The following CDH12 variants were observed in gnomAD, a reference collection of about 807,000 sequenced individuals.
The protein encoded by CDH12 is cadherin 12, also known as cadherin-12.
A neutral mutation model predicts 74.1 loss-of-function variants in CDH12; 41 were observed. The observed-to-expected ratio is 0.55, with a 90% CI of 0.43 to 0.72. The LOEUF is 0.72. Ranked by LOEUF, CDH12 falls within the 30% of genes least tolerant of loss-of-function variation. The probability of loss-of-function intolerance (pLI) is 0.00; values close to 1 mark genes in which losing one functional copy is unlikely to be tolerated. For synonymous variants in CDH12, 399 were observed against 355.0 expected (o/e 1.12, Z -1.39); for missense variants, 945 against 977.2 (o/e 0.97, Z 0.44).
chr5:22,415,211 GGAAAATTGACACAATGTTTTTTTTT>G (rs1037088308), intron 2 of CDH12, among the ~76,000 whole-genome samples: 1 of 147,026 alleles, frequency 6.8e-6, no homozygotes, highest in African/African-American at 2.6e-5. Flanking sequence ...ATAATAAAGG[GGAAAATTGACACAATGTTTTTTTTT>G]GAAAATTGAC....
intron 3 of CDH12, among the ~76,000 whole-genome samples, chr5:22,374,436 T>C (rs1741434364): frequency 6.6e-6 from 1 of 152,086 alleles, no homozygotes. Flanking sequence ...TCCTATTCAA[T>C]ATGTACTGGA....
At chr5:22,662,029 G>T (rs1312473193) in intron 1 of CDH12, among the ~76,000 whole-genome samples, 1 of 151,974 alleles carries the variant, frequency 6.6e-6, no homozygotes, top group Non-Finnish European at 1.5e-5. Context: ...TATAGGTTTT[G>T]AAAAAACTTG....
At chr5:22,079,817 A>G (rs1005333353) in intron 4 of CDH12, among the ~76,000 whole-genome samples, 3 of 152,174 alleles carry the variant, frequency 2.0e-5, no homozygotes, top group Non-Finnish European at 4.4e-5. Context: ...AGATAAAAAA[A>G]CAGACACAAT....
chr5:22,203,835 C>T lies in CDH12; in HGVS notation c.-187+8663G>A, dbSNP rs116738508. On this transcript the variant is annotated intron_variant, in intron 4 of 14. Transcript: ENST00000382254. ...CACTGTGTTTGTAATTTACATTACC[C>T]TGAAGATTAGTGATGTTGAGCATTT... Among the ~76,000 whole-genome samples, 663 of 152,218 alleles carry T rather than the reference C, an allele frequency of 4.4e-3. 2 individuals are homozygous for T. The highest frequency in any genetic ancestry group is 6.6e-3 in the Non-Finnish European group (450 of 68,018).
At chr5:22,608,175 A>G (rs1737213448) in intron 1 of CDH12, among the ~76,000 whole-genome samples, 1 of 149,568 alleles carries the variant, frequency 6.7e-6, no homozygotes. Flanking sequence ...CCATAAAAGC[A>G]GCCAGGAGGT....
chr5:22,675,222 T>A (rs1246771169), intron 1 of CDH12, among the ~76,000 whole-genome samples: 2 of 152,120 alleles, frequency 1.3e-5, no homozygotes, highest in Non-Finnish European at 2.9e-5. Context: ...GTCTAGGGAC[T>A]TGGTGTCTTG....
At chr5:22,073,516 G>A (rs1742097361) in intron 5 of CDH12, among the ~76,000 whole-genome samples, 1 of 152,066 alleles carries the variant, frequency 6.6e-6, no homozygotes, top group Non-Finnish European at 1.5e-5. Flanking sequence ...TTTTGCTTGT[G>A]GTTAGTTTGA....
intron 4 of CDH12, among the ~76,000 whole-genome samples, chr5:22,087,619 T>A (rs1050585592): frequency 3.3e-5 from 5 of 151,910 alleles, no homozygotes; most frequent in African/African-American, 9.7e-5. Context: ...CCAGCCTGGG[T>A]GACAGAGTGA....
intron 2 of CDH12, among the ~76,000 whole-genome samples, chr5:22,415,983 A>G (rs1169423019): frequency 6.6e-6 from 1 of 151,316 alleles, no homozygotes; most frequent in Non-Finnish European, 1.5e-5. Context: ...CCCAGATTAT[A>G]TAGTTGTGGA....
Position 22,214,005 on chromosome 5 carries a change from T to TTA in CDH12, c.-332-1364_-332-1363dup. Among the ~76,000 whole-genome samples the TTA allele has an allele frequency of 1.3e-5, 2 of 151,882 alleles. 1 individual carries two copies. The highest frequency in any genetic ancestry group is 4.2e-4 in the South Asian group (2 of 4,798). On this transcript the variant is annotated intron_variant, in intron 3 of 14. Transcript: ENST00000382254. Reference sequence around the variant, plus strand: ...AGAAGCTATATTTACATTGTGATATTTATATATATCTTAGAAAACCCTCAA... The same window carrying TTA: ...AGAAGCTATATTTACATTGTGATATTTATATATATATCTTAGAAAACCCTCAA...
chr5:22,688,329 T>G (rs770314198), intron 1 of CDH12, among the ~76,000 whole-genome samples: 10 of 152,244 alleles, frequency 6.6e-5, no homozygotes, highest in Non-Finnish European at 1.5e-4. Context: ...TTAACATGTT[T>G]AAAGCATTTT....
At chr5:22,424,002 C>CAAAAAAAAAAAAAAAAAAAAAA (rs1165781089) in intron 2 of CDH12, among the ~76,000 whole-genome samples, 2 of 31,226 alleles carry the variant, frequency 6.4e-5, no homozygotes, top group African/African-American at 2.0e-4. Context: ...GACTCTGTCT[C>CAAAAAAAAAAAAAAAAAAAAAA]AAAAAAAAAA....
At chr5:22,494,539 G>A (rs949002217) in intron 2 of CDH12, among the ~76,000 whole-genome samples, 1 of 152,176 alleles carries the variant, frequency 6.6e-6, no homozygotes, top group African/African-American at 2.4e-5. Context: ...GAAGTGTTTT[G>A]ATCTTTATTT....
chr5:21,907,105 G>A (rs1425826592), intron 6 of CDH12, among the ~76,000 whole-genome samples: 3 of 152,198 alleles, frequency 2.0e-5, no homozygotes, highest in Admixed American at 2.0e-4. Context: ...ATGTGCCGGG[G>A]AGACTGCTCA....
rs573402191 is a variant in CDH12, at chr5:22,296,062, A to G, written c.-332-83419T>C. Among the ~76,000 whole-genome samples the G allele has an allele frequency of 1.1e-4, 17 of 152,158 alleles. No individual in the cohort carries two copies. In the South Asian group the frequency reaches 3.3e-3, roughly 30 times the overall value. On this transcript the variant is annotated intron_variant, in intron 3 of 14. Coordinates refer to ENST00000382254, the MANE Select transcript of CDH12 (RefSeq NM_004061.5). The stretch of plus-strand genomic sequence containing the variant: ...TTGTGTGTGAGATCATTTAATGGAC[A>G]CTAACTTTATGATACCTATAGGAGA...
intron 5 of CDH12, among the ~76,000 whole-genome samples, chr5:22,077,703 G>GA (rs994036676): frequency 2.1e-4 from 32 of 150,598 alleles, no homozygotes; most frequent in African/African-American, 3.9e-4. Flanking sequence ...CAATTTAATG[G>GA]AAAAAAAAGC....
intron 3 of CDH12, among the ~76,000 whole-genome samples, chr5:22,365,810 AAAC>A (rs1164088982): frequency 6.6e-6 from 1 of 152,200 alleles, no homozygotes; most frequent in Admixed American, 6.5e-5. Context: ...AATGAAAAAC[AAAC>A]AAAAAATATT....
At chr5:22,801,317 T>C (rs1455832431) in intron 1 of CDH12, among the ~76,000 whole-genome samples, 1 of 152,068 alleles carries the variant, frequency 6.6e-6, no homozygotes, top group Non-Finnish European at 1.5e-5. Flanking sequence ...TAGGTAGCTC[T>C]GCAAGCCAAA....
chr5:22,175,400 C>T (rs1749274379), intron 4 of CDH12, among the ~76,000 whole-genome samples: 2 of 151,332 alleles, frequency 1.3e-5, no homozygotes, highest in Admixed American at 1.3e-4. Flanking sequence ...TGTTAAATGC[C>T]AGAAGGACTC....
Sources: allele counts gnomAD v4.1 joint callset (sites outside exome capture counted in the v4.1 genomes callset), GRCh38; gene constraint gnomAD v4.1.1; transcripts MANE v1.5; gene names NCBI Gene and HGNC (gene_info 2026-07-23, HGNC 2026-07-21).